LRCH1: variants seen among roughly 807,000 people sequenced by gnomAD.
The protein encoded by LRCH1 is leucine rich repeats and calponin homology domain containing 1, also known as leucine-rich repeat and calponin homology domain-containing protein 1.
In LRCH1, 23 loss-of-function variants were observed where a neutral mutation model predicts 94.9. That is an observed-to-expected ratio of 0.24 (90% CI 0.17 to 0.34). The LOEUF is 0.34. LRCH1 is among the 10% of genes least tolerant of loss of function. The pLI is 1.00. For synonymous variants in LRCH1, 364 were observed against 354.9 expected, an observed-to-expected ratio of 1.03 and a Z score of -0.29; for missense variants, 790 against 945.9, an observed-to-expected ratio of 0.84 and a Z score of 2.16.
chr13:46,664,417 T>C, intron 2 of LRCH1, among the ~76,000 whole-genome samples: 1 of 152,178 alleles, frequency 6.6e-6, no homozygotes, highest in African/African-American at 2.4e-5. Context: ...TTTAGATGTG[T>C]TTAGATACAA....
At chr13:46,653,323 T>G (rs531593597) in intron 2 of LRCH1, among the ~76,000 whole-genome samples, 1 of 152,120 alleles carries the variant, frequency 6.6e-6, no homozygotes, top group Non-Finnish European at 1.5e-5. Flanking sequence ...TTGAGACCTA[T>G]TCTCCCATAC....
intron 5 of LRCH1, among the ~76,000 whole-genome samples, chr13:46,686,940 T>C (rs1416628963): frequency 6.8e-6 from 1 of 147,732 alleles, no homozygotes; most frequent in Non-Finnish European, 1.5e-5. Flanking sequence ...ATTTGTTTCA[T>C]GGAGTATATT....
chr13:46,653,626 A>T (rs2051334313), intron 2 of LRCH1, among the ~76,000 whole-genome samples: 2 of 152,180 alleles, frequency 1.3e-5, no homozygotes, highest in Admixed American at 1.3e-4. Flanking sequence ...GGAGTTCGTG[A>T]CCAGCCTGGG....
At chr13:46,612,144 C>T (rs933341131) in intron 1 of LRCH1, among the ~76,000 whole-genome samples, 1 of 152,104 alleles carries the variant, frequency 6.6e-6, no homozygotes, top group Non-Finnish European at 1.5e-5. Context: ...ATAGGTGCAG[C>T]AAACCACCAT....
At chr13:46,666,008 T>TA (rs2051510437) in intron 2 of LRCH1, among the ~76,000 whole-genome samples, 1 of 152,130 alleles carries the variant, frequency 6.6e-6, no homozygotes. Flanking sequence ...TTGGGGAAAT[T>TA]ACAAGTAATA....
In LRCH1 at chr13:46,568,523, CT is replaced by C. The variant is rs367562017; in HGVS notation, c.307+14826del. Among the ~76,000 whole-genome samples, 354 of 152,306 alleles carry C rather than the reference CT, an allele frequency of 2.3e-3. 1 individual carries two copies. Among genetic ancestry groups the C allele is most frequent in the African/African-American group, 8.1e-3 (335 of 41,554 alleles). ...GGAATTACAATGCTTGGCTGGTTCT[CT>C]TTTTTAACTTTCATGCCAAGAAACC... On this transcript the variant is annotated intron_variant, in intron 1 of 19. Coordinates refer to ENST00000389797, the MANE Select transcript of LRCH1 (RefSeq NM_001164211.2).
rs1001278614 is a variant in LRCH1, at chr13:46,743,171, G to C, written c.*1323G>C. ...TTAGCTTCCTCAAGATAAATTTCTA[G>C]TTTATTAAGATGCAAACAGCTCTCA... On this transcript the variant is annotated 3_prime_UTR_variant, in exon 20 of 20. Transcript: ENST00000389797. 1.0e-5 allele frequency: 10 copies of C among 985,626 alleles called. No individual in the cohort carries two copies. The highest frequency in any genetic ancestry group is 1.2e-5 in the Non-Finnish European group (10 of 829,876). 61.1% of individuals were successfully genotyped at this position (985,626 alleles called of 1,614,324 possible).
chr13:46,651,385 C>T (rs911682314), intron 2 of LRCH1, among the ~76,000 whole-genome samples: 20 of 152,092 alleles, frequency 1.3e-4, no homozygotes, highest in African/African-American at 2.7e-4. Context: ...AGTTTCTGGC[C>T]GGGTGTGGTG....
chr13:46,704,996 A>G, intron 11 of LRCH1, 72 bp from the exon 12 acceptor site: 1 of 813,840 alleles, frequency 1.2e-6, no homozygotes, highest in South Asian at 1.8e-5. Context: ...TTTAAACTGA[A>G]TAAGACCAAT....
intron 1 of LRCH1, among the ~76,000 whole-genome samples, chr13:46,573,866 A>ATATATATAGATTTT: frequency 1.6e-5 from 1 of 63,420 alleles, no homozygotes; most frequent in Non-Finnish European, 3.2e-5. Context: ...ATATATATAT[A>ATATATATAGATTTT]TTTTTTTTTT....
At chr13:46,595,709 A>T (rs1054875795) in intron 1 of LRCH1, among the ~76,000 whole-genome samples, 1 of 152,178 alleles carries the variant, frequency 6.6e-6, no homozygotes, top group African/African-American at 2.4e-5. Context: ...ATAATTCTAC[A>T]TTTCTGGAGT....
chr13:46,605,281 A>C (rs1484010379), intron 1 of LRCH1, among the ~76,000 whole-genome samples: 1 of 152,216 alleles, frequency 6.6e-6, no homozygotes, highest in African/African-American at 2.4e-5. Flanking sequence ...TAGGTTACAG[A>C]GTGTTTTCCT....
intron 1 of LRCH1, among the ~76,000 whole-genome samples, chr13:46,588,393 C>T (rs948716818): frequency 6.6e-6 from 1 of 152,006 alleles, no homozygotes; most frequent in African/African-American, 2.4e-5. Flanking sequence ...TTGTTTACTC[C>T]TTTAAATTTC....
Position 46,744,000 on chromosome 13 carries a change from T to C in LRCH1, c.*2152T>C, listed in dbSNP as rs1466952404. ...GATTTATTGGATGATGTTTTTTCAT[T>C]AGTAGTATGGTAACTAGCAGAACAC... On this transcript the variant is annotated 3_prime_UTR_variant, in exon 20 of 20. Transcript: ENST00000389797. 1.7e-5 allele frequency: 17 copies of C among 985,302 alleles called. No homozygotes were observed. Among genetic ancestry groups the C allele is most frequent in the Non-Finnish European group, 2.0e-5 (17 of 829,920 alleles). The allele number at this position is 985,302 out of a possible 1,614,324, so 61.0% of individuals were successfully genotyped here.
intron 1 of LRCH1, among the ~76,000 whole-genome samples, chr13:46,585,693 A>T (rs2050427676): frequency 6.6e-6 from 1 of 151,972 alleles, no homozygotes; most frequent in African/African-American, 2.4e-5. Flanking sequence ...TTCATTCTTT[A>T]GATTACATCT....
At chr13:46,660,113 G>A (rs1182534685) in intron 2 of LRCH1, among the ~76,000 whole-genome samples, 1 of 135,654 alleles carries the variant, frequency 7.4e-6, no homozygotes, top group Non-Finnish European at 1.5e-5. Context: ...CTTGGTTCAC[G>A]CCATTCTCCT....
chr13:46,581,583 T>A (rs1384831882), intron 1 of LRCH1, among the ~76,000 whole-genome samples: 2 of 152,224 alleles, frequency 1.3e-5, no homozygotes, highest in African/African-American at 4.8e-5. Context: ...TCTGACATTC[T>A]CATCCCCGTG....
At chr13:46,714,472 T>G (rs1416757185) in intron 15 of LRCH1, among the ~76,000 whole-genome samples, 1 of 152,212 alleles carries the variant, frequency 6.6e-6, no homozygotes, top group Non-Finnish European at 1.5e-5. Context: ...ATCGAGTAGC[T>G]TTAGAATGCT....
chr13:46,698,190 A>C (rs1473355014), intron 9 of LRCH1, among the ~76,000 whole-genome samples: 1 of 152,230 alleles, frequency 6.6e-6, no homozygotes, highest in Non-Finnish European at 1.5e-5. Context: ...TTGTCCTAAC[A>C]ACACATCTGG....
Sources: allele counts gnomAD v4.1 joint callset (sites outside exome capture counted in the v4.1 genomes callset), GRCh38; gene constraint gnomAD v4.1.1; transcripts MANE v1.5; gene names NCBI Gene and HGNC (gene_info 2026-07-23, HGNC 2026-07-21).